The following TRPC5 variants were observed in gnomAD, a reference collection of about 807,000 sequenced individuals.
TRPC5 encodes short transient receptor potential channel 5.
A neutral mutation model predicts 56.5 loss-of-function variants in TRPC5; 9 were observed. The observed-to-expected ratio is 0.16, with a 90% confidence interval of 0.10 to 0.28. TRPC5 has a LOEUF of 0.28. Ranked by LOEUF, TRPC5 falls within the 10% of genes least tolerant of loss-of-function variation. The pLI is 1.00. For synonymous variants in TRPC5, 282 were observed against 278.5 expected, an observed-to-expected ratio of 1.01 and a Z score of -0.13; for missense variants, 469 against 748.9, an observed-to-expected ratio of 0.63 and a Z score of 4.36.
chrX:111,916,795 G>A (rs1034315420), intron 2 of TRPC5, among the ~76,000 whole-genome samples: 1 of 112,346 alleles, frequency 8.9e-6, no homozygotes, highest in African/African-American at 3.2e-5. Context: ...TATAAACGTT[G>A]GCTCAAAAAT....
chrX:111,790,186 A>T (rs923612263), intron 7 of TRPC5, among the ~76,000 whole-genome samples: 7 of 112,017 alleles, frequency 6.2e-5, no homozygotes, highest in Non-Finnish European at 9.4e-5. Flanking sequence ...TAGACTGGAT[A>T]AAGAAAATGT....
chrX:111,826,662 T>C (rs1388774415), intron 7 of TRPC5, among the ~76,000 whole-genome samples: 1 of 112,707 alleles, frequency 8.9e-6, no homozygotes, highest in African/African-American at 3.2e-5. Context: ...GATTATACTA[T>C]TCCTTAGACT....
chrX:111,919,616 T>C (rs1926073077), intron 2 of TRPC5, among the ~76,000 whole-genome samples: 1 of 112,093 alleles, frequency 8.9e-6, no homozygotes, highest in Non-Finnish European at 1.9e-5. Flanking sequence ...CCCTTGCCTA[T>C]ACAATGGGAA....
chrX:112,024,238 G>C (rs1310474015), intron 1 of TRPC5, among the ~76,000 whole-genome samples: 1 of 111,654 alleles, frequency 9.0e-6, no homozygotes, highest in Non-Finnish European at 1.9e-5. Context: ...CATTATTCTG[G>C]GTGTGTCTGT....
chrX:111,875,641 T>A (rs1923912412), intron 3 of TRPC5, among the ~76,000 whole-genome samples: 1 of 105,112 alleles, frequency 9.5e-6, no homozygotes, highest in Non-Finnish European at 1.9e-5. Flanking sequence ...TGGACTCTGA[T>A]TCCATTCTTT....
chrX:111,927,909 A>T lies in TRPC5; in HGVS notation c.379-15097T>A, dbSNP rs781203937. ...ACCCTGGGGCAATTTTGTATTCAGG[A>T]TCTTTCTGCTTGAACTCCCCATTTG... is the stretch of plus-strand genomic sequence containing the variant. On this transcript the variant is annotated intron_variant, in intron 2 of 10. Transcript: ENST00000262839. Among the ~76,000 whole-genome samples, 12 of 108,038 alleles carry T rather than the reference A, an allele frequency of 1.1e-4. No individual in the cohort carries two copies. The East Asian group carries it at 3.5e-3, about 32-fold the overall frequency. 93.8% of individuals were successfully genotyped at this position (108,038 alleles called of 115,157 possible). A position where few individuals can be genotyped will look rare whatever the true frequency, so the allele number is the denominator to read the frequency against.
chrX:111,833,429 A>G (rs764110924), intron 7 of TRPC5, among the ~76,000 whole-genome samples: 1 of 111,538 alleles, frequency 9.0e-6, no homozygotes, highest in Admixed American at 9.5e-5. Context: ...TTAACTTCAA[A>G]TCTTTTTTTC....
At chrX:111,988,801 A>C (rs781229740) in intron 1 of TRPC5, among the ~76,000 whole-genome samples, 27 of 111,472 alleles carry the variant, frequency 2.4e-4, no homozygotes, top group African/African-American at 7.2e-4. Context: ...CATGAAGACA[A>C]AACTTGTTGT....
At chrX:112,064,261 G>A (rs1432839425) in intron 1 of TRPC5, among the ~76,000 whole-genome samples, 1 of 111,533 alleles carries the variant, frequency 9.0e-6, no homozygotes, top group Non-Finnish European at 1.9e-5. Flanking sequence ...TTGCTGTCAG[G>A]TAGATAGCAT....
chrX:111,867,226 C>G (rs917426513), intron 3 of TRPC5, among the ~76,000 whole-genome samples: 1 of 111,737 alleles, frequency 8.9e-6, no homozygotes, highest in African/African-American at 3.3e-5. Flanking sequence ...ATGAGAAAAG[C>G]CCACACCCCT....
At chrX:111,940,300 G>A (rs1373805180) in intron 2 of TRPC5, among the ~76,000 whole-genome samples, 1 of 111,748 alleles carries the variant, frequency 8.9e-6, no homozygotes, top group Admixed American at 9.5e-5. Context: ...AGGCTGGAGT[G>A]CAGTGGGATG....
chrX:112,031,994 A>G (rs910243152), intron 1 of TRPC5, among the ~76,000 whole-genome samples: 2 of 110,633 alleles, frequency 1.8e-5, no homozygotes, highest in African/African-American at 6.6e-5. Flanking sequence ...CAAACTATAC[A>G]TCTGATGAAA....
rs1928534448 is a variant in TRPC5, at chrX:111,996,427, G to C, written c.-21-43986C>G. Among the ~76,000 whole-genome samples, 4 of 111,879 alleles carry C rather than the reference G, an allele frequency of 3.6e-5. No individual in the cohort carries two copies. In the Admixed American group the frequency reaches 3.8e-4, roughly 11 times the overall value. On this transcript the variant is annotated intron_variant, in intron 1 of 10. Coordinates refer to ENST00000262839, the MANE Select transcript of TRPC5 (RefSeq NM_012471.3). ...AATTATGTGGTCAATTTTAGAATAA[G>C]TGCGATGTGGTGCTGAGAAGAATGT... is the stretch of plus-strand genomic sequence containing the variant.
chrX:111,774,833 A>G lies in TRPC5; in HGVS notation c.*1480T>C, dbSNP rs1252114040. ...TTGACATTAAAAAAAACAGCGTGAC[A>G]CCTATTTTACTTTTCTGGGCTACAC... On this transcript the variant is annotated 3_prime_UTR_variant, in exon 11 of 11. Transcript: ENST00000262839. 9.0e-6 allele frequency: 1 copy of G among 110,848 alleles called. No homozygotes were observed. Among genetic ancestry groups the G allele is most frequent in the Non-Finnish European group, 1.9e-5 (1 of 52,951 alleles). 9.1% of individuals were successfully genotyped at this position (110,848 alleles called of 1,213,427 possible). A position where few individuals can be genotyped will look rare whatever the true frequency, so the allele number is the denominator to read the frequency against.
At chrX:111,905,809 G>A (rs892651931) in intron 3 of TRPC5, among the ~76,000 whole-genome samples, 1 of 108,314 alleles carries the variant, frequency 9.2e-6, no homozygotes, top group Admixed American at 9.8e-5. Flanking sequence ...CAGCTACTCA[G>A]GAGGCTGAGG....
At chrX:112,060,431 T>C (rs1930434033) in intron 1 of TRPC5, among the ~76,000 whole-genome samples, 1 of 112,361 alleles carries the variant, frequency 8.9e-6, no homozygotes, top group Non-Finnish European at 1.9e-5. Context: ...TTTTGAAGGA[T>C]CTAAGATGTA....
intron 2 of TRPC5, among the ~76,000 whole-genome samples, chrX:111,940,705 A>T (rs931171310): frequency 3.6e-5 from 4 of 109,905 alleles, no homozygotes; most frequent in African/African-American, 1.3e-4. Flanking sequence ...AAAAAAAAAA[A>T]AAAAGAATAA....
chrX:111,935,058 T>C (rs1238403856), intron 2 of TRPC5, among the ~76,000 whole-genome samples: 2 of 112,104 alleles, frequency 1.8e-5, no homozygotes, highest in African/African-American at 3.2e-5. Context: ...CTGTTCTCTA[T>C]AGTGGTTGTA....
At chrX:112,012,378 C>T (rs1223751386) in intron 1 of TRPC5, among the ~76,000 whole-genome samples, 2 of 109,942 alleles carry the variant, frequency 1.8e-5, no homozygotes, top group Non-Finnish European at 3.8e-5. Flanking sequence ...CTTTTTTTTT[C>T]TTTTCTTTTC....
Sources: gnomAD v4.1 joint callset for allele counts (sites outside exome capture counted in the v4.1 genomes callset) on GRCh38, gnomAD v4.1.1 for gene constraint, MANE v1.5 for transcripts, NCBI Gene and HGNC (gene_info 2026-07-23, HGNC 2026-07-21) for gene names.